RYR3: variants seen among roughly 807,000 people sequenced by gnomAD.
RYR3 encodes the protein brain ryanodine receptor-calcium release channel.
RYR3 carries 207 observed loss-of-function variants against 584.3 expected under a neutral mutation model. That is an observed-to-expected ratio of 0.35 (90% CI 0.32 to 0.40). The LOEUF (loss-of-function observed/expected upper bound fraction) is 0.40. Among genes scored for constraint, RYR3 ranks in the 10% least tolerant of loss-of-function variants. The probability of loss-of-function intolerance (pLI) is 1.00; values close to 1 mark genes in which losing one functional copy is unlikely to be tolerated. For missense variants in RYR3, 5,616 were observed against 6,089.2 expected, an observed-to-expected ratio of 0.92 and a Z score of 2.59; for synonymous variants, 2,416 against 2,248.5, an observed-to-expected ratio of 1.07 and a Z score of -2.11.
chr15:33,513,079 C>A (rs1261544624), intron 3 of RYR3, among the ~76,000 whole-genome samples: 2 of 152,126 alleles, frequency 1.3e-5, no homozygotes. Flanking sequence ...TTTAAGAAAC[C>A]TGCTTACTTT....
intron 43 of RYR3, among the ~76,000 whole-genome samples, chr15:33,712,446 G>C (rs913624568): frequency 3.9e-5 from 6 of 152,166 alleles, no homozygotes; most frequent in African/African-American, 1.4e-4. Context: ...GATGTCAGAA[G>C]AAGCAAAATG....
chr15:33,635,033 GTTT>G (rs945779105), intron 25 of RYR3, among the ~76,000 whole-genome samples: 1 of 152,110 alleles, frequency 6.6e-6, no homozygotes, highest in Non-Finnish European at 1.5e-5. Flanking sequence ...CCAAGTCACT[GTTT>G]TTTTATCTTA....
intron 1 of RYR3, among the ~76,000 whole-genome samples, chr15:33,406,562 A>T (rs1382097514): frequency 6.6e-6 from 1 of 152,226 alleles, no homozygotes; most frequent in African/African-American, 2.4e-5. Flanking sequence ...AATTGCCATG[A>T]AACAGTGGTC....
chr15:33,575,847 T>TAAA (rs200530324), intron 12 of RYR3, among the ~76,000 whole-genome samples: 9 of 149,318 alleles, frequency 6.0e-5, no homozygotes, highest in African/African-American at 1.2e-4. Flanking sequence ...AAAAAAAAAA[T>TAAA]TAATAAAATA....
intron 19 of RYR3, among the ~76,000 whole-genome samples, chr15:33,619,985 C>T (rs2060637986): frequency 6.6e-6 from 1 of 152,174 alleles, no homozygotes; most frequent in Non-Finnish European, 1.5e-5. Context: ...CTTACCACTT[C>T]TGTTGGCTGC....
intron 18 of RYR3, among the ~76,000 whole-genome samples, chr15:33,604,551 G>A (rs17817378): frequency 0.042 from 6,414 of 152,170 alleles, 214 homozygotes; most frequent in Admixed American, 0.087. Context: ...TGCCATGGGG[G>A]AAGAATGAAA....
intron 98 of RYR3, 140 bp downstream of exon 98, chr15:33,855,052 A>G (rs1008417655): frequency 1.2e-6 from 1 of 856,662 alleles, no homozygotes; most frequent in Non-Finnish European, 1.6e-6. Flanking sequence ...ACTTCAACTA[A>G]TGGTGATTGT....
chr15:33,346,060 T>C (rs1227381897), intron 1 of RYR3, among the ~76,000 whole-genome samples: 7 of 152,228 alleles, frequency 4.6e-5, no homozygotes, highest in Non-Finnish European at 1.0e-4. Context: ...GAAGTATCAT[T>C]TTAAACCATC....
At chr15:33,588,425 C>G (rs1033300660) in intron 16 of RYR3, among the ~76,000 whole-genome samples, 2 of 152,104 alleles carry the variant, frequency 1.3e-5, no homozygotes, top group South Asian at 4.1e-4. Flanking sequence ...AAAACTTTTG[C>G]AGTGAAAAAT....
chr15:33,863,882 C>T (rs1889446798), intron 102 of RYR3, among the ~76,000 whole-genome samples: 1 of 152,278 alleles, frequency 6.6e-6, no homozygotes, highest in South Asian at 2.1e-4. Context: ...TGCTACCTTG[C>T]AAGTGATCTT....
chr15:33,370,828 T>C (rs183933296), intron 1 of RYR3, among the ~76,000 whole-genome samples: 55 of 152,160 alleles, frequency 3.6e-4, no homozygotes, highest in African/African-American at 1.2e-3. Flanking sequence ...GAACTGGAAA[T>C]AAAGATGACT....
rs16971067 is a variant in RYR3, at chr15:33,451,549, T to C, written c.52-21870T>C. Among the ~76,000 whole-genome samples the C allele has an allele frequency of 3.2e-3, 486 of 152,196 alleles. 2 individuals carry two copies. The highest frequency in any genetic ancestry group is 0.011 in the African/African-American group (469 of 41,518). ...GCAGGTTATGTTAACTCCAGAATTA[T>C]TAATGCGTCAGTGACGTCTGCAGCA... On this transcript the variant is annotated intron_variant, in intron 1 of 103. Transcript: ENST00000634891.
intron 2 of RYR3, among the ~76,000 whole-genome samples, chr15:33,482,195 G>T (rs191445448): frequency 6.6e-6 from 1 of 151,992 alleles, no homozygotes; most frequent in Admixed American, 6.6e-5. Flanking sequence ...GTTTTTGAAG[G>T]ATTTTTCTCT....
At chr15:33,747,245 C>G (rs2070818331) in intron 53 of RYR3, among the ~76,000 whole-genome samples, 1 of 152,112 alleles carries the variant, frequency 6.6e-6, no homozygotes, top group African/African-American at 2.4e-5. Context: ...ACTCTGAATT[C>G]TTATCTTGCA....
chr15:33,743,044 G>A (rs2070318905), intron 52 of RYR3, among the ~76,000 whole-genome samples: 1 of 152,176 alleles, frequency 6.6e-6, no homozygotes, highest in South Asian at 2.1e-4. Context: ...TGGGAAGACT[G>A]TGCCAAGGAT....
intron 31 of RYR3, among the ~76,000 whole-genome samples, chr15:33,650,198 G>A (rs1449629057): frequency 6.6e-6 from 1 of 152,138 alleles, no homozygotes; most frequent in Non-Finnish European, 1.5e-5. Flanking sequence ...CCAACATGGT[G>A]AAACCCCGTC....
At chr15:33,511,818 G>A (rs972323604) in intron 3 of RYR3, among the ~76,000 whole-genome samples, 5 of 151,926 alleles carry the variant, frequency 3.3e-5, no homozygotes, top group Admixed American at 2.0e-4. Flanking sequence ...TCGCTCTGTC[G>A]CCCAGGCTGC....
At chr15:33,604,984 A>G (rs1219041252) in intron 18 of RYR3, among the ~76,000 whole-genome samples, 2 of 151,960 alleles carry the variant, frequency 1.3e-5, no homozygotes, top group Non-Finnish European at 2.9e-5. Flanking sequence ...TCTCCCACCA[A>G]CTCGCCACCA....
At chr15:33,760,636 C>G (rs1208482840) in intron 60 of RYR3, among the ~76,000 whole-genome samples, 1 of 152,208 alleles carries the variant, frequency 6.6e-6, no homozygotes, top group Non-Finnish European at 1.5e-5. Flanking sequence ...CAGACTTAGA[C>G]TCCCACACAA....
Sources: allele counts gnomAD v4.1 joint callset (sites outside exome capture counted in the v4.1 genomes callset), GRCh38; gene constraint gnomAD v4.1.1; transcripts MANE v1.5; gene names NCBI Gene and HGNC (gene_info 2026-07-23, HGNC 2026-07-21).